The following TTC8 variants were observed in gnomAD, a reference collection of about 807,000 sequenced individuals.
TTC8 encodes tetratricopeptide repeat protein 8.
A neutral mutation model predicts 72.5 loss-of-function variants in TTC8; 47 were observed. The ratio of observed to expected loss-of-function variants is 0.65; its 90% CI spans 0.51 to 0.83. TTC8 has a LOEUF of 0.83. Ranked by LOEUF, TTC8 falls within the 40% of genes least tolerant of loss-of-function variation. TTC8 has a pLI of 0.00. For synonymous variants in TTC8, 199 were observed against 221.4 expected, an observed-to-expected ratio of 0.90 and a Z score of 0.90; for missense variants, 611 against 623.2, an observed-to-expected ratio of 0.98 and a Z score of 0.21.
At chr14:88,868,615 C>A (rs2094920940) in intron 10 of TTC8, among the ~76,000 whole-genome samples, 1 of 152,070 alleles carries the variant, frequency 6.6e-6, no homozygotes, top group Non-Finnish European at 1.5e-5. Flanking sequence ...CATCTCTGAA[C>A]TTGAGATACA....
chr14:88,863,758 C>A (rs975781393), intron 10 of TTC8, among the ~76,000 whole-genome samples: 1 of 152,082 alleles, frequency 6.6e-6, no homozygotes, highest in Non-Finnish European at 1.5e-5. Context: ...GAATGGAATC[C>A]TTAATTTTTT....
At chr14:88,845,473 G>A (rs7161561) in intron 7 of TTC8, among the ~76,000 whole-genome samples, 148,227 of 152,278 alleles carry the variant, frequency 0.97, 72,174 homozygotes, top group Admixed American at 0.99. Context: ...TGGGCCACAT[G>A]TATAGAATGT....
At chr14:88,870,746 T>G (rs1243808136) in intron 11 of TTC8, among the ~76,000 whole-genome samples, 1 of 152,216 alleles carries the variant, frequency 6.6e-6, no homozygotes, top group Non-Finnish European at 1.5e-5. Flanking sequence ...ATTTTTAAAT[T>G]ATGATTTCCT....
At chr14:88,847,813 A>G (rs781123304) in intron 7 of TTC8, among the ~76,000 whole-genome samples, 9 of 152,136 alleles carry the variant, frequency 5.9e-5, no homozygotes, top group Non-Finnish European at 1.3e-4. Flanking sequence ...AAATATTGGT[A>G]TTTATCATGT....
intron 1 of TTC8, among the ~76,000 whole-genome samples, chr14:88,832,858 T>G (rs1304032296): frequency 6.6e-6 from 1 of 152,192 alleles, no homozygotes. Context: ...TGCTGTTTTG[T>G]GTTCGGTTCA....
chr14:88,851,016 G>A (rs1430808757), intron 7 of TTC8, among the ~76,000 whole-genome samples: 1 of 152,162 alleles, frequency 6.6e-6, no homozygotes, highest in Non-Finnish European at 1.5e-5. Flanking sequence ...GGATTCTTTA[G>A]TTGGCAATTG....
chr14:88,834,484 T>C (rs2094740930), intron 2 of TTC8, among the ~76,000 whole-genome samples: 1 of 152,142 alleles, frequency 6.6e-6, no homozygotes, highest in Non-Finnish European at 1.5e-5. Context: ...TTTAGGTAAA[T>C]AAAAGACTTG....
downstream of TTC8, chr14:88,879,454 A>G (rs932993596): frequency 6.6e-6 from 1 of 151,888 alleles, no homozygotes; most frequent in Non-Finnish European, 1.5e-5. Flanking sequence ...GAGATCTGGC[A>G]AGAAGGCTTC....
intron 1 of TTC8, among the ~76,000 whole-genome samples, chr14:88,831,608 C>T (rs1479307524): frequency 4.6e-5 from 7 of 152,148 alleles, no homozygotes; most frequent in African/African-American, 1.7e-4. Flanking sequence ...TGATAGTATA[C>T]CTATAACTCA....
chr14:88,871,433 G>T lies in TTC8; in HGVS notation c.1050-116G>T. On this transcript the variant is annotated intron_variant, in intron 11 of 14. Coordinates refer to ENST00000380656, the MANE Select transcript of TTC8 (RefSeq NM_144596.4). This position sits in a 1 kb window ranked among gnomAD's most constrained non-coding sequence, Gnocchi z 4.1. ...TATAACACGTATTTATATTCTTAAGGAGTATCAAAAATCACAAGATGAATT... is the reference window on the plus strand; with the variant it reads ...TATAACACGTATTTATATTCTTAAGTAGTATCAAAAATCACAAGATGAATT... The T allele has an allele frequency of 1.1e-6, 1 of 895,296 alleles. No individual in the cohort carries two copies. Among genetic ancestry groups the T allele is most frequent in the East Asian group, 2.6e-5 (1 of 37,852 alleles). The allele number at this position is 895,296 out of a possible 1,614,324, so 55.5% of individuals were successfully genotyped here. A position where few individuals can be genotyped will look rare whatever the true frequency, so the allele number is the denominator to read the frequency against.
chr14:88,861,332 G>A lies in TTC8; in HGVS notation c.909G>A (p.Glu303=). The part of the protein sequence containing the change: ...TLLCGIARIY[E]EMNNMSSAAE... ...TCTGTGGAATTGCAAGAATCTATGA[G>A]GTAATTCATGTTATTATTATTATTA... The change falls in exon 10 of 15, where the codon GAG becomes GAA. Residue 303 remains glutamate (E), a splice_region_variant and synonymous_variant. Coordinates refer to ENST00000380656, the MANE Select transcript of TTC8 (RefSeq NM_144596.4). 6.4e-7 allele frequency: 1 copy of A among 1,572,056 alleles called. No homozygotes were observed. The highest frequency in any genetic ancestry group is 8.7e-7 in the Non-Finnish European group (1 of 1,143,554).
At chr14:88,867,405 A>G (rs2094915107) in intron 10 of TTC8, among the ~76,000 whole-genome samples, 1 of 152,212 alleles carries the variant, frequency 6.6e-6, no homozygotes, top group African/African-American at 2.4e-5. Flanking sequence ...CAAGACACTG[A>G]GAGTGAAAAA....
chr14:88,833,943 T>C (rs908681676), intron 2 of TTC8: 1 of 563,128 alleles, frequency 1.8e-6, no homozygotes, highest in Non-Finnish European at 3.2e-6. Flanking sequence ...TGCAGTCTAC[T>C]CATTGGGACT....
chr14:88,843,791 CT>C lies in TTC8; in HGVS notation c.580-9del. The C allele has an allele frequency of 1.9e-6, 3 of 1,582,780 alleles. No individual in the cohort carries two copies. Among genetic ancestry groups the C allele is most frequent in the Non-Finnish European group, 2.6e-6 (3 of 1,160,780 alleles). On this transcript the variant is annotated splice_polypyrimidine_tract_variant and intron_variant, in intron 6 of 14. Transcript: ENST00000380656. ...AAAAAAATCTAACGTATTTTTGACACTTTTTTCTTCACAGGCTTTGTTTGAG... is the reference window on the plus strand; with the variant it reads ...AAAAAAATCTAACGTATTTTTGACACTTTTTCTTCACAGGCTTTGTTTGAG...
intron 13 of TTC8, 68 bp downstream of exon 13, chr14:88,872,520 G>A (rs2094939009): frequency 4.4e-6 from 7 of 1,596,842 alleles, no homozygotes; most frequent in Non-Finnish European, 6.0e-6. Flanking sequence ...ATGTGTGGTA[G>A]CATTACAGCG....
At chr14:88,868,865 A>G (rs558016275) in intron 10 of TTC8, among the ~76,000 whole-genome samples, 8 of 152,356 alleles carry the variant, frequency 5.3e-5, no homozygotes, top group Non-Finnish European at 1.0e-4. Context: ...CTTGGAGACA[A>G]TAGTGGAGCA....
intron 1 of TTC8, among the ~76,000 whole-genome samples, chr14:88,832,664 A>G (rs935596480): frequency 2.0e-5 from 3 of 152,222 alleles, no homozygotes; most frequent in African/African-American, 7.2e-5. Flanking sequence ...GGCTATAGAG[A>G]TATGTATACA....
downstream of TTC8, chr14:88,878,317 TAA>T (rs1381798218): frequency 6.6e-6 from 1 of 152,202 alleles, no homozygotes; most frequent in Non-Finnish European, 1.5e-5. Context: ...GAACTCTTAT[TAA>T]AGTGTTCACA....
chr14:88,839,314 A>T, intron 2 of TTC8, 138 bp from the exon 3 acceptor site: 1 of 854,416 alleles, frequency 1.2e-6, no homozygotes, highest in Non-Finnish European at 1.7e-6. Flanking sequence ...ATGGCCCTTT[A>T]AATTAAAATA....
Sources: gnomAD v4.1 joint callset for allele counts (sites outside exome capture counted in the v4.1 genomes callset) on GRCh38, gnomAD v4.1.1 for gene constraint, Gnocchi (gnomAD v3.1) non-coding constraint, MANE v1.5 for transcripts, NCBI Gene and HGNC (gene_info 2026-07-23, HGNC 2026-07-21) for gene names.